The following KCNT1 variants were observed in gnomAD, a reference collection of about 807,000 sequenced individuals.
The protein encoded by KCNT1 is potassium channel subfamily T member 1.
KCNT1 carries 78 observed loss-of-function variants against 147.8 expected under a neutral mutation model. The ratio of observed to expected loss-of-function variants is 0.53; its 90% CI spans 0.44 to 0.64. The LOEUF (loss-of-function observed/expected upper bound fraction) is 0.64. Ranked by LOEUF, KCNT1 falls within the 30% of genes least tolerant of loss-of-function variation. The pLI, the probability that KCNT1 is intolerant of heterozygous loss-of-function variation, is 0.00. For missense variants in KCNT1, 1,419 were observed against 1,750.3 expected (o/e 0.81, Z 3.38); for synonymous variants, 867 against 748.8 (o/e 1.16, Z -2.58).
At position 135,792,561 on chromosome 9, in the gene KCNT1, G is replaced by A. The variant is rs370899172; in HGVS notation, c.*400G>A. The A allele has an allele frequency of 1.7e-3, 311 of 178,366 alleles. No homozygotes were observed. The highest frequency in any genetic ancestry group is 7.2e-3 in the African/African-American group (303 of 41,920). The allele number at this position is 178,366 out of a possible 1,614,324, so 11.0% of individuals were successfully genotyped here. A position where few individuals can be genotyped will look rare whatever the true frequency, so the allele number is the denominator to read the frequency against. On this transcript the variant is annotated 3_prime_UTR_variant, in exon 31 of 31. Transcript: ENST00000371757. ...AGAACCCAGAACCCAGGAGCCCCGC[G>A]TGGGCCACACCCAACTCAGAGCCGG...
intron 6 of KCNT1, 27 bp downstream of exon 6, chr9:135,755,196 C>T (rs747071800): frequency 1.6e-5 from 25 of 1,594,612 alleles, no homozygotes; most frequent in African/African-American, 4.1e-5. Flanking sequence ...GCCCCCCTCC[C>T]GACTGCAGTG....
At chr9:135,721,509 G>A (rs1835924558) in intron 2 of KCNT1, among the ~76,000 whole-genome samples, 1 of 152,198 alleles carries the variant, frequency 6.6e-6, no homozygotes, top group Non-Finnish European at 1.5e-5. Context: ...TGGGGCCCAG[G>A]CAGGCTGGGG....
intron 24 of KCNT1, among the ~76,000 whole-genome samples, chr9:135,782,248 C>T (rs951529730): frequency 1.9e-4 from 29 of 152,182 alleles, no homozygotes; most frequent in African/African-American, 7.0e-4. Flanking sequence ...AAGGATGCTG[C>T]TGGTGGGGTG....
rs1031934890 is a variant in KCNT1 at position 135,778,393 on chromosome 9, G to A, written c.2523-31G>A. The A allele has an allele frequency of 5.2e-6, 8 of 1,545,888 alleles. No homozygotes were observed. The African/African-American group carries it at 1.1e-4, about 21-fold the overall frequency. On this transcript the variant is annotated intron_variant, in intron 21 of 30. Coordinates refer to ENST00000371757, the MANE Select transcript of KCNT1 (RefSeq NM_020822.3). ...TGAGGAGGGCAGGCCTTGAAGCAGG[G>A]TGGGCCCCTCCAGGACCGCTGTCCC...
chr9:135,732,042 G>GAGAGAGAGAGT (rs1554766213), intron 2 of KCNT1, among the ~76,000 whole-genome samples: 2 of 52,694 alleles, frequency 3.8e-5, no homozygotes, highest in Admixed American at 2.1e-4. Flanking sequence ...AGAGAGAGAG[G>GAGAGAGAGAGT]GAGTCTCACT....
chr9:135,750,063 G>A (rs377025248), intron 2 of KCNT1, 35 bp from the exon 3 acceptor site: 4 of 1,570,606 alleles, frequency 2.5e-6, no homozygotes, highest in Non-Finnish European at 3.5e-6. Flanking sequence ...GTCCCCACTG[G>A]CCCTGAGCCT....
intron 11 of KCNT1, among the ~76,000 whole-genome samples, chr9:135,764,102 C>A (rs141756042): frequency 6.6e-6 from 1 of 152,112 alleles, no homozygotes; most frequent in Non-Finnish European, 1.5e-5. Flanking sequence ...TTAGACCAGA[C>A]GATAGCACAT....
chr9:135,784,090 T>TTCAGCATCA lies in KCNT1; in HGVS notation c.2909_2917dup (p.Ile972_Ser973insIleSerIle). 1 of 1,605,636 alleles carries TTCAGCATCA rather than the reference T, an allele frequency of 6.2e-7. No individual in the cohort carries two copies. The highest frequency in any genetic ancestry group is 8.5e-7 in the Non-Finnish European group (1 of 1,179,952). ...CCTGCCGTTCGCCGCCGGCCGCGTC[T>TTCAGCATCA]TCAGCATCAGCATGTTGGACACACT... On this transcript the variant is annotated inframe_insertion, in exon 25 of 31. Coordinates refer to ENST00000371757, the MANE Select transcript of KCNT1 (RefSeq NM_020822.3).
intron 18 of KCNT1, chr9:135,771,323 G>C (rs1039197035): frequency 8.3e-6 from 5 of 600,906 alleles, no homozygotes; most frequent in Non-Finnish European, 1.5e-5. Context: ...CAGGGCAGGA[G>C]ACCAGGCCAA....
intron 2 of KCNT1, among the ~76,000 whole-genome samples, chr9:135,746,730 T>C (rs1830852620): frequency 6.6e-6 from 1 of 151,894 alleles, no homozygotes. Context: ...CGGAGCTGGC[T>C]GGGGAGATGG....
At chr9:135,768,402 A>C in intron 13 of KCNT1, 1 of 366,746 alleles carries the variant, frequency 2.7e-6, no homozygotes, top group Non-Finnish European at 4.8e-6. Context: ...ACTCCTGACC[A>C]GCAGAGAGTA....
chr9:135,785,278 C>T (rs775846471), intron 27 of KCNT1, 32 bp from the exon 28 acceptor site: 2 of 1,611,958 alleles, frequency 1.2e-6, no homozygotes, highest in African/African-American at 2.7e-5. Flanking sequence ...GGTGCGCCCA[C>T]AGGTCCCAGA....
In KCNT1 at chr9:135,760,880, C is replaced by G. The variant is rs567886305; in HGVS notation, c.1035+1021C>G. Among the ~76,000 whole-genome samples the G allele has an allele frequency of 9.2e-5, 14 of 152,380 alleles. No individual in the cohort carries two copies. The South Asian group carries it at 1.0e-3, about 11-fold the overall frequency. ...TCCCGCTCCTGTGAGCTGCCCGCTCCTCTTTGGTCTTCCCCCTGGTTCTCG... is the reference window on the plus strand; with the variant it reads ...TCCCGCTCCTGTGAGCTGCCCGCTCGTCTTTGGTCTTCCCCCTGGTTCTCG... On this transcript the variant is annotated intron_variant, in intron 11 of 30. Transcript: ENST00000371757.
intron 23 of KCNT1, 22 bp downstream of exon 23, chr9:135,778,844 C>T (rs914276707): frequency 4.3e-6 from 7 of 1,611,950 alleles, no homozygotes; most frequent in Admixed American, 1.7e-5. Flanking sequence ...GTCCGGGGCT[C>T]GGCTCTAAAC....
intron 13 of KCNT1, among the ~76,000 whole-genome samples, chr9:135,768,046 G>A (rs1046438486): frequency 1.4e-5 from 2 of 141,774 alleles, no homozygotes; most frequent in Admixed American, 7.1e-5. Flanking sequence ...GCCTGCACAC[G>A]CTCAGGGGAC....
In KCNT1 at chr9:135,758,491, G is replaced by C. The variant is rs1312494632; in HGVS notation, c.837G>C (p.Leu279=). The C allele has an allele frequency of 6.2e-7, 1 of 1,613,486 alleles. No homozygotes were observed. Among genetic ancestry groups the C allele is most frequent in the Non-Finnish European group, 8.5e-7 (1 of 1,179,926 alleles). The part of the protein sequence containing the change: ...NQVLILFCTL[L]CLVFTGTCGI... ...TCCTCATCCTCTTCTGCACCCTGCT[G>C]TGCCTCGTTTTCACGGGGTGAGTGC... is the stretch of plus-strand genomic sequence containing the variant. The change falls in exon 10 of 31, where the codon CTG becomes CTC. Residue 279 remains leucine, a synonymous_variant. Coordinates refer to ENST00000371757, the MANE Select transcript of KCNT1 (RefSeq NM_020822.3).
At chr9:135,738,684 C>T (rs533776470) in intron 2 of KCNT1, among the ~76,000 whole-genome samples, 6 of 152,150 alleles carry the variant, frequency 3.9e-5, no homozygotes, top group South Asian at 4.2e-4. Context: ...GAGGCGTTGT[C>T]GGGGGAGGGC....
At position 135,778,404 on chromosome 9, in the gene KCNT1, C is replaced by CA; in HGVS notation, c.2523-19dup. 6.5e-7 allele frequency: 1 copy of CA among 1,549,610 alleles called. No homozygotes were observed. The highest frequency in any genetic ancestry group is 8.7e-7 in the Non-Finnish European group (1 of 1,146,668). On this transcript the variant is annotated intron_variant, in intron 21 of 30. Coordinates refer to ENST00000371757, the MANE Select transcript of KCNT1 (RefSeq NM_020822.3). ...GGCCTTGAAGCAGGGTGGGCCCCTC[C>CA]AGGACCGCTGTCCCCACAGGCCCGA...
In KCNT1 at chr9:135,735,238, C is replaced by G. The variant is rs149835391; in HGVS notation, c.255-14860C>G. 3.7e-3 allele frequency among the ~76,000 whole-genome samples: 558 copies of G among 152,342 alleles called. 3 individuals are homozygous for G. Among genetic ancestry groups the G allele is most frequent in the African/African-American group, 0.013 (523 of 41,582 alleles). ...GGCTTTTCAGGGGATTTTCCTTACT[C>G]AGCCACATCGGGGAGGGCGCTAGGG... On this transcript the variant is annotated intron_variant, in intron 2 of 30. Transcript: ENST00000371757.
Sources: gnomAD v4.1 joint callset for allele counts (sites outside exome capture counted in the v4.1 genomes callset) on GRCh38, gnomAD v4.1.1 for gene constraint, MANE v1.5 for transcripts, NCBI Gene and HGNC (gene_info 2026-07-23, HGNC 2026-07-21) for gene names.